RFTN1: variants seen among roughly 807,000 people sequenced by gnomAD.
RFTN1 encodes the protein raftlin.
Under a neutral mutation model 46.5 loss-of-function variants are expected in RFTN1, and 26 were observed. The ratio of observed to expected loss-of-function variants is 0.56; its 90% CI spans 0.41 to 0.78. The LOEUF (loss-of-function observed/expected upper bound fraction) is 0.78, where lower values mean the gene tolerates loss of function less well. Ranked by LOEUF, RFTN1 falls within the 30% of genes least tolerant of loss-of-function variation. RFTN1 has a pLI of 0.00. For missense variants in RFTN1, 693 were observed against 718.7 expected (o/e 0.96, Z 0.41); for synonymous variants, 261 against 284.2 (o/e 0.92, Z 0.82).
intron 2 of RFTN1, among the ~76,000 whole-genome samples, chr3:16,476,881 G>A (rs2076291382): frequency 6.6e-6 from 1 of 152,162 alleles, no homozygotes; most frequent in Non-Finnish European, 1.5e-5. Context: ...GGAGAGAAAT[G>A]AATTACATCC....
intron 4 of RFTN1, among the ~76,000 whole-genome samples, chr3:16,391,872 T>TTTTTTTG (rs1350639015): frequency 6.4e-5 from 1 of 15,642 alleles, no homozygotes; most frequent in African/African-American, 2.6e-4. Flanking sequence ...TTTTTTTGTT[T>TTTTTTTG]TTTTTTTTTG....
rs762074377 is a variant in RFTN1, at chr3:16,376,224, G to A, written c.826+1494C>T. On this transcript the variant is annotated intron_variant, in intron 5 of 9. Transcript: ENST00000334133. This position sits in a 1 kb window ranked among gnomAD's most constrained non-coding sequence, Gnocchi z 4.7. ...TCATACTCATGAGTCAAACAGTGCC[G>A]AGTGCTTTAAATGTACAACTTTAAC... Among the ~76,000 whole-genome samples, 1 of 152,134 alleles carries A rather than the reference G, an allele frequency of 6.6e-6. No homozygotes were observed. The highest frequency in any genetic ancestry group is 6.5e-5 in the Admixed American group (1 of 15,276).
rs1180361713 is a variant in RFTN1 at position 16,338,057 on chromosome 3, T to C, written c.1147-11181A>G. Among the ~76,000 whole-genome samples, 1 of 152,240 alleles carries C rather than the reference T, an allele frequency of 6.6e-6. No homozygotes were observed. The highest frequency in any genetic ancestry group is 1.9e-4 in the East Asian group (1 of 5,204). On this transcript the variant is annotated intron_variant, in intron 7 of 9. Coordinates refer to ENST00000334133, the MANE Select transcript of RFTN1 (RefSeq NM_015150.2). This position sits in a 1 kb window ranked among gnomAD's most constrained non-coding sequence, Gnocchi z 5.3. ...CTTCTCCTAAAGCACCATGCCAAGC[T>C]GGCAAGAAAACCAAACCTGCATGTG...
At chr3:16,431,995 G>A (rs1052646103) in intron 3 of RFTN1, among the ~76,000 whole-genome samples, 13 of 152,112 alleles carry the variant, frequency 8.5e-5, no homozygotes, top group African/African-American at 2.9e-4. Context: ...CTCAACATTT[G>A]TGTCTCAGTT....
In RFTN1 at chr3:16,499,657, C is replaced by A. The variant is rs2125001982; in HGVS notation, c.-8-5780G>T. On this transcript the variant is annotated intron_variant, in intron 1 of 9. Transcript: ENST00000334133. The surrounding 1 kb of genome is among the most constrained non-coding windows in gnomAD (Gnocchi z 4.9). ...TAAGCTTCTAAGTTTTGGAGTGGTT[C>A]ATTTATACCATAAGCAACTTATATA... Among the ~76,000 whole-genome samples the A allele has an allele frequency of 6.6e-6, 1 of 152,338 alleles. No individual in the cohort carries two copies. Among genetic ancestry groups the A allele is most frequent in the Middle Eastern group, 3.4e-3 (1 of 294 alleles).
Position 16,447,407 on chromosome 3 carries a change from G to A in RFTN1, c.146-13370C>T, listed in dbSNP as rs934686240. Reference sequence around the variant, plus strand: ...CATGGAAATAGAAAATCATACACACGAGTTGAGCAGCTCCGGCTCCATTAA... The same window carrying A: ...CATGGAAATAGAAAATCATACACACAAGTTGAGCAGCTCCGGCTCCATTAA... On this transcript the variant is annotated intron_variant, in intron 2 of 9. Transcript: ENST00000334133. The surrounding 1 kb of genome is among the most constrained non-coding windows in gnomAD (Gnocchi z 5.9). 7.2e-5 allele frequency among the ~76,000 whole-genome samples: 11 copies of A among 152,276 alleles called. No individual in the cohort carries two copies. The South Asian group carries it at 8.3e-4, about 11-fold the overall frequency.
chr3:16,367,057 T>G (rs73039500), intron 6 of RFTN1, among the ~76,000 whole-genome samples: 9,279 of 128,594 alleles, frequency 0.072, no homozygotes, highest in South Asian at 0.21. Flanking sequence ...CTGCACTGGG[T>G]AATTCAGGCT....
rs146569165 is a variant in RFTN1 at position 16,379,700 on chromosome 3, T to TAA, written c.442-1600_442-1599dup. 3.3e-5 allele frequency among the ~76,000 whole-genome samples: 5 copies of TAA among 151,932 alleles called. No homozygotes were observed. The East Asian group carries it at 9.7e-4, about 29-fold the overall frequency. ...TTGGCTCAATTCACTCTTCAAAAGTTAAAAAAAACAAAAGACAAAAAAATC... is the reference window on the plus strand; with the variant it reads ...TTGGCTCAATTCACTCTTCAAAAGTTAAAAAAAAAACAAAAGACAAAAAAATC... On this transcript the variant is annotated intron_variant, in intron 4 of 9. Coordinates refer to ENST00000334133, the MANE Select transcript of RFTN1 (RefSeq NM_015150.2).
At chr3:16,437,369 G>C (rs1451834177) in intron 2 of RFTN1, among the ~76,000 whole-genome samples, 3 of 152,060 alleles carry the variant, frequency 2.0e-5, no homozygotes, top group Non-Finnish European at 4.4e-5. Flanking sequence ...CCAGTAGTAG[G>C]GTTGCTGGAC....
In RFTN1 at chr3:16,381,388, C is replaced by T. The variant is rs1235670335; in HGVS notation, c.442-3286G>A. On this transcript the variant is annotated intron_variant, in intron 4 of 9. Coordinates refer to ENST00000334133, the MANE Select transcript of RFTN1 (RefSeq NM_015150.2). This position sits in a 1 kb window ranked among gnomAD's most constrained non-coding sequence, Gnocchi z 4.2. ...ATAGTAATGGATGTGAAGGCATAGA[C>T]ATGACAGTGACAATGGTGATTATTT... Among the ~76,000 whole-genome samples the T allele has an allele frequency of 3.9e-5, 6 of 152,130 alleles. No individual in the cohort carries two copies. Among genetic ancestry groups the T allele is most frequent in the Non-Finnish European group, 8.8e-5 (6 of 68,034 alleles).
intron 3 of RFTN1, among the ~76,000 whole-genome samples, chr3:16,417,128 G>C (rs1164431682): frequency 4.0e-5 from 6 of 149,856 alleles, no homozygotes; most frequent in Non-Finnish European, 5.9e-5. Flanking sequence ...TCCCACCTCA[G>C]CCCCCCAAGT....
In RFTN1 at chr3:16,319,938, C is replaced by T. The variant is rs141760957; in HGVS notation, c.1333-2706G>A. ...CGGGGGAGTCTCTGAGCTTAACCAG[C>T]AAGCCGCAGATAAAACAGGTTGCAC... is the stretch of plus-strand genomic sequence containing the variant. On this transcript the variant is annotated intron_variant, in intron 9 of 9. Transcript: ENST00000334133. 1.6e-3 allele frequency among the ~76,000 whole-genome samples: 238 copies of T among 152,156 alleles called. 1 individual carries two copies. The highest frequency in any genetic ancestry group is 4.8e-3 in the Admixed American group (73 of 15,304).
Position 16,352,619 on chromosome 3 carries a change from CA to C in RFTN1, c.1146+5312del, listed in dbSNP as rs1433116310. On this transcript the variant is annotated intron_variant, in intron 7 of 9. Coordinates refer to ENST00000334133, the MANE Select transcript of RFTN1 (RefSeq NM_015150.2). The surrounding 1 kb of genome is among the most constrained non-coding windows in gnomAD (Gnocchi z 4.6). ...AGCCCAACCTCCTCTGTGCTTTTAG[CA>C]TAAAACGAAGGCAATGGGGGGAGGA... is the stretch of plus-strand genomic sequence containing the variant. 6.6e-6 allele frequency among the ~76,000 whole-genome samples: 1 copy of C among 152,192 alleles called. No individual in the cohort carries two copies. The highest frequency in any genetic ancestry group is 2.4e-5 in the African/African-American group (1 of 41,440).
chr3:16,445,483 T>TCTCTCACACACACACACACA (rs1352210263), intron 2 of RFTN1, among the ~76,000 whole-genome samples: 8 of 126,856 alleles, frequency 6.3e-5, no homozygotes, highest in African/African-American at 2.4e-4. Flanking sequence ...TCTCTCTCTC[T>TCTCTCACACACACACACACA]CACACACACA....
intron 3 of RFTN1, among the ~76,000 whole-genome samples, chr3:16,412,840 G>T (rs115443400): frequency 4.5e-4 from 68 of 152,306 alleles, no homozygotes; most frequent in African/African-American, 1.2e-3. Context: ...GTAGTCCCTG[G>T]CCAACAGCTG....
chr3:16,494,580 G>A (rs149987101), intron 1 of RFTN1, among the ~76,000 whole-genome samples: 51 of 152,242 alleles, frequency 3.3e-4, no homozygotes, highest in African/African-American at 5.3e-4. Flanking sequence ...AGAAATCCAC[G>A]TGTATTACAG....
intron 4 of RFTN1, among the ~76,000 whole-genome samples, chr3:16,404,131 TA>T (rs2074750159): frequency 2.3e-4 from 3 of 13,328 alleles, no homozygotes; most frequent in Non-Finnish European, 3.9e-4. Flanking sequence ...ATTTTATATA[TA>T]ATATATAATA....
Position 16,348,904 on chromosome 3 carries a change from AC to A in RFTN1, c.1146+9027del. Among the ~76,000 whole-genome samples, 1 of 152,232 alleles carries A rather than the reference AC, an allele frequency of 6.6e-6. No homozygotes were observed. Among genetic ancestry groups the A allele is most frequent in the Non-Finnish European group, 1.5e-5 (1 of 68,016 alleles). On this transcript the variant is annotated intron_variant, in intron 7 of 9. Transcript: ENST00000334133. This position sits in a 1 kb window ranked among gnomAD's most constrained non-coding sequence, Gnocchi z 6.3. The stretch of plus-strand genomic sequence containing the variant: ...CCACAATCCACACACATTTCAGAAC[AC>A]CCGAGCAAGTGGCTGCTGCCAAGGA...
At chr3:16,409,250 G>T (rs2074931626) in intron 4 of RFTN1, 125 bp downstream of exon 4, 1 of 643,376 alleles carries the variant, frequency 1.6e-6, no homozygotes, top group Admixed American at 2.5e-5. Flanking sequence ...GCTGCCAAAG[G>T]TTTAGGTCAC....
Sources: gnomAD v4.1 joint callset for allele counts (sites outside exome capture counted in the v4.1 genomes callset) on GRCh38, gnomAD v4.1.1 for gene constraint, Gnocchi (gnomAD v3.1) non-coding constraint, MANE v1.5 for transcripts, NCBI Gene and HGNC (gene_info 2026-07-23, HGNC 2026-07-21) for gene names.